The following RGS5 variants were observed in gnomAD, a reference collection of about 807,000 sequenced individuals.
RGS5 encodes the protein regulator of G protein signaling 5.
In RGS5, 20 loss-of-function variants were observed where a neutral mutation model predicts 18.9. The ratio of observed to expected loss-of-function variants is 1.06; its 90% confidence interval spans 0.74 to 1.54. The LOEUF (loss-of-function observed/expected upper bound fraction) is 1.54. RGS5 is among the 40% of genes most tolerant of loss of function. The pLI, the probability that RGS5 is intolerant of heterozygous loss-of-function variation, is 0.00. For missense variants in RGS5, 201 were observed against 211.8 expected, an observed-to-expected ratio of 0.95 and a Z score of 0.32; for synonymous variants, 57 against 76.2, an observed-to-expected ratio of 0.75 and a Z score of 1.31.
intron 2 of RGS5, among the ~76,000 whole-genome samples, chr1:163,297,251 TTG>T (rs982774600): frequency 2.0e-5 from 3 of 152,138 alleles, no homozygotes; most frequent in Non-Finnish European, 2.9e-5. Context: ...AGCATGGTGC[TTG>T]TGCTGTGTGC....
At chr1:163,248,929 C>A (rs533072447) in intron 2 of RGS5, among the ~76,000 whole-genome samples, 1 of 152,168 alleles carries the variant, frequency 6.6e-6, no homozygotes. Flanking sequence ...AATAGCCCAC[C>A]TCAACCAAGT....
chr1:163,321,554 A>T (rs985017849), intron 1 of RGS5: 1 of 152,208 alleles, frequency 6.6e-6, no homozygotes, highest in African/African-American at 2.4e-5. Context: ...GCTTATAAGC[A>T]TCTAACAAAA....
At chr1:163,220,819 T>C (rs1647215509), upstream of RGS5, among the ~76,000 whole-genome samples, 1 of 151,978 alleles carries the variant, frequency 6.6e-6, no homozygotes, top group Non-Finnish European at 1.5e-5. Context: ...GGCAGGAGGA[T>C]CAGAATTAGG....
chr1:163,193,767 G>C (rs989215432), intron 1 of RGS5, among the ~76,000 whole-genome samples: 1 of 152,030 alleles, frequency 6.6e-6, no homozygotes, highest in Non-Finnish European at 1.5e-5. Flanking sequence ...GATGAAAATT[G>C]GTTAATTATG....
chr1:163,223,313 A>G (rs1647269797), intron 2 of RGS5, among the ~76,000 whole-genome samples: 3 of 152,284 alleles, frequency 2.0e-5, no homozygotes, highest in South Asian at 2.1e-4. Flanking sequence ...AACAATCTCA[A>G]TGAAATCAGA....
chr1:163,286,129 A>C (rs1012482395), intron 2 of RGS5, among the ~76,000 whole-genome samples: 9 of 152,018 alleles, frequency 5.9e-5, no homozygotes, highest in African/African-American at 2.2e-4. Flanking sequence ...TGGAAAAAAA[A>C]CCCCCAATAA....
intron 1 of RGS5, among the ~76,000 whole-genome samples, chr1:163,183,439 G>C (rs772706747): frequency 3.9e-5 from 6 of 152,150 alleles, no homozygotes; most frequent in Non-Finnish European, 5.9e-5. Context: ...ACCTGAAATT[G>C]CTTTCATTTT....
chr1:163,311,688 T>G lies in RGS5; in HGVS notation c.-377-5359A>C, dbSNP rs1374674928. ...ACACTCAATATTTACTTATTAAGTT[T>G]GTTCTCTTATATGGGTGGTTCTTGG... On this transcript the variant is annotated intron_variant, in intron 1 of 5. Transcript: ENST00000618415. 2.6e-5 allele frequency among the ~76,000 whole-genome samples: 4 copies of G among 152,224 alleles called. No homozygotes were observed. The South Asian group carries it at 8.3e-4, about 32-fold the overall frequency.
chr1:163,164,269 T>C (rs1657938333), intron 2 of RGS5, among the ~76,000 whole-genome samples: 1 of 152,172 alleles, frequency 6.6e-6, no homozygotes, highest in African/African-American at 2.4e-5. Context: ...GACCAATAAA[T>C]GTTCTGGTTT....
chr1:163,280,200 A>C (rs1026278973), intron 2 of RGS5, among the ~76,000 whole-genome samples: 24 of 89,064 alleles, frequency 2.7e-4, no homozygotes, highest in African/African-American at 9.6e-4. Context: ...GACAGGCACA[A>C]ATTAAAAAAA....
chr1:163,175,846 G>A (rs1466526490), intron 1 of RGS5, among the ~76,000 whole-genome samples: 1 of 152,128 alleles, frequency 6.6e-6, no homozygotes, highest in African/African-American at 2.4e-5. Flanking sequence ...CTCCTCGGGT[G>A]CTCCAAATGA....
chr1:163,233,289 T>A (rs1647531574), intron 2 of RGS5, among the ~76,000 whole-genome samples: 1 of 152,230 alleles, frequency 6.6e-6, no homozygotes. Context: ...ACCACCTGAT[T>A]AAAATGAGAT....
At chr1:163,164,112 G>C (rs1275092575) in intron 2 of RGS5, among the ~76,000 whole-genome samples, 1 of 152,168 alleles carries the variant, frequency 6.6e-6, no homozygotes, top group Middle Eastern at 3.2e-3. Flanking sequence ...GCACAGTCAA[G>C]TAGGATACAT....
chr1:163,173,628 A>G (rs975169146), intron 1 of RGS5, among the ~76,000 whole-genome samples: 2 of 152,246 alleles, frequency 1.3e-5, no homozygotes, highest in Non-Finnish European at 2.9e-5. Flanking sequence ...TGAAGAACCA[A>G]TTATATATAA....
chr1:163,169,345 C>T (rs1658200079), intron 1 of RGS5, among the ~76,000 whole-genome samples: 1 of 152,098 alleles, frequency 6.6e-6, no homozygotes, highest in African/African-American at 2.4e-5. Flanking sequence ...GTCTTTATAG[C>T]AGCATGATTT....
chr1:163,273,779 T>C (rs916406876), intron 2 of RGS5, among the ~76,000 whole-genome samples: 2 of 152,172 alleles, frequency 1.3e-5, no homozygotes, highest in Non-Finnish European at 2.9e-5. Flanking sequence ...TCAGATAATA[T>C]ATTGTATATC....
intron 4 of RGS5, 53 bp from the exon 5 acceptor site, chr1:163,147,556 G>A: frequency 7.1e-7 from 1 of 1,409,442 alleles, no homozygotes; most frequent in Non-Finnish European, 9.4e-7. Context: ...AGAATTTGAT[G>A]AGGGGTGAAG....
intron 1 of RGS5, among the ~76,000 whole-genome samples, chr1:163,197,415 C>T (rs564422321): frequency 2.6e-5 from 4 of 152,212 alleles, no homozygotes; most frequent in South Asian, 2.1e-4. Flanking sequence ...CTAGGGGCCC[C>T]GCCTACCACC....
intron 3 of RGS5, among the ~76,000 whole-genome samples, chr1:163,154,430 C>T (rs1657506895): frequency 1.3e-5 from 2 of 152,034 alleles, no homozygotes; most frequent in Admixed American, 6.6e-5. Context: ...TTTCAGGATC[C>T]AAGAAAGACA....
Sources: allele counts gnomAD v4.1 joint callset (sites outside exome capture counted in the v4.1 genomes callset), GRCh38; gene constraint gnomAD v4.1.1; transcripts MANE v1.5; gene names NCBI Gene and HGNC (gene_info 2026-07-23, HGNC 2026-07-21).